The following SWT1 variants were observed in gnomAD, a reference collection of about 807,000 sequenced individuals.
The protein encoded by SWT1 is SWT1 RNA endoribonuclease homolog, also known as transcriptional protein SWT1.
A neutral mutation model predicts 107.3 loss-of-function variants in SWT1; 33 were observed. The observed-to-expected ratio is 0.31, with a 90% CI of 0.23 to 0.41. The LOEUF (loss-of-function observed/expected upper bound fraction) is 0.41, where lower values mean the gene tolerates loss of function less well. Ranked by LOEUF, SWT1 falls within the 10% of genes least tolerant of loss-of-function variation. The pLI, the probability that SWT1 is intolerant of heterozygous loss-of-function variation, is 1.00. For missense variants in SWT1, 898 were observed against 1,028.9 expected, an observed-to-expected ratio of 0.87 and a Z score of 1.74; for synonymous variants, 345 against 348.3, an observed-to-expected ratio of 0.99 and a Z score of 0.11.
At chr1:185,196,674 G>A (rs1657418321) in intron 10 of SWT1, among the ~76,000 whole-genome samples, 1 of 152,122 alleles carries the variant, frequency 6.6e-6, no homozygotes, top group Non-Finnish European at 1.5e-5. Flanking sequence ...GCAGTGGTTT[G>A]TAGTTCTTCT....
In SWT1 at chr1:185,290,806, A is replaced by G; in HGVS notation, c.*3A>G. The G allele has an allele frequency of 6.3e-7, 1 of 1,599,218 alleles. No individual in the cohort carries two copies. Among genetic ancestry groups the G allele is most frequent in the Non-Finnish European group, 8.5e-7 (1 of 1,172,598 alleles). ...ACATGCTCAACTATAGGATATAAGT[A>G]CTGATTTGTAACTTTAAAGGAATTG... On this transcript the variant is annotated 3_prime_UTR_variant, in exon 19 of 19. Coordinates refer to ENST00000367500, the MANE Select transcript of SWT1 (RefSeq NM_017673.7).
chr1:185,274,317 A>G (rs573511098), intron 17 of SWT1, among the ~76,000 whole-genome samples: 3 of 148,148 alleles, frequency 2.0e-5, no homozygotes, highest in African/African-American at 7.4e-5. Flanking sequence ...TTTTATATAT[A>G]TATTATATAT....
chr1:185,176,412 C>T (rs761523143), intron 5 of SWT1: 7 of 212,548 alleles, frequency 3.3e-5, no homozygotes, highest in Admixed American at 6.6e-5. Flanking sequence ...TGGGAGAAGC[C>T]GGGATATTTT....
intron 17 of SWT1, 123 bp from the exon 18 acceptor site, chr1:185,276,481 T>G: frequency 1.9e-6 from 1 of 517,814 alleles, no homozygotes; most frequent in Non-Finnish European, 3.5e-6. Context: ...TGTTGCTGTT[T>G]AATCCTTTTT....
At chr1:185,189,470 A>C (rs981293594) in intron 9 of SWT1, among the ~76,000 whole-genome samples, 4 of 152,192 alleles carry the variant, frequency 2.6e-5, no homozygotes, top group Non-Finnish European at 5.9e-5. Flanking sequence ...GGAAGAGCAC[A>C]CACAGGAAAC....
chr1:185,198,215 C>T (rs935057544), intron 10 of SWT1, among the ~76,000 whole-genome samples: 24 of 152,270 alleles, frequency 1.6e-4, no homozygotes, highest in African/African-American at 4.3e-4. Context: ...CATTCAGGAG[C>T]AGGTTGTTCA....
chr1:185,199,390 T>C (rs910824483), intron 10 of SWT1, among the ~76,000 whole-genome samples: 5 of 152,210 alleles, frequency 3.3e-5, no homozygotes, highest in Non-Finnish European at 5.9e-5. Flanking sequence ...CTGGTACTGG[T>C]TGTTCCTTTC....
At position 185,257,086 on chromosome 1, in the gene SWT1, G is replaced by T. The variant is rs1662603683; in HGVS notation, c.2442-14237G>T. Among the ~76,000 whole-genome samples, 3 of 152,106 alleles carry T rather than the reference G, an allele frequency of 2.0e-5. No homozygotes were observed. The South Asian group carries it at 6.2e-4, about 32-fold the overall frequency. On this transcript the variant is annotated intron_variant, in intron 16 of 18. Transcript: ENST00000367500. ...CTGCTGGGGGGTGCCTCCCAGTTAG[G>T]CTGCTCGGGGGTCAGGTGTCAGGGA...
chr1:185,260,330 T>C (rs551161436), intron 16 of SWT1, among the ~76,000 whole-genome samples: 1 of 152,134 alleles, frequency 6.6e-6, no homozygotes, highest in Non-Finnish European at 1.5e-5. Flanking sequence ...TGCTTTTCTT[T>C]TACTGGTCAA....
chr1:185,221,511 G>A lies in SWT1; in HGVS notation c.2122-338G>A, dbSNP rs75212252. Among the ~76,000 whole-genome samples the A allele has an allele frequency of 5.8e-3, 889 of 152,042 alleles. 33 individuals are homozygous for A. The East Asian group carries it at 0.094, about 16-fold the overall frequency. On this transcript the variant is annotated intron_variant, in intron 14 of 18. Coordinates refer to ENST00000367500, the MANE Select transcript of SWT1 (RefSeq NM_017673.7). The stretch of plus-strand genomic sequence containing the variant: ...AAACTGGATTGTAAGGTGCTTCAAG[G>A]CTTGATTGTACCTCTATACTTTGTA...
chr1:185,246,542 GTTA>G (rs1335161274), intron 16 of SWT1, among the ~76,000 whole-genome samples: 4 of 148,708 alleles, frequency 2.7e-5, no homozygotes, highest in African/African-American at 1.0e-4. Flanking sequence ...CTTTCAAAGT[GTTA>G]GGATTAGAGG....
chr1:185,182,189 G>A (rs187846926), intron 7 of SWT1, 132 bp downstream of exon 7: 5 of 903,788 alleles, frequency 5.5e-6, no homozygotes, highest in Non-Finnish European at 7.8e-6. Flanking sequence ...TAAAGTAATA[G>A]TTTATTTTTT....
chr1:185,281,543 T>C (rs1013363004), intron 18 of SWT1: 2 of 240,402 alleles, frequency 8.3e-6, no homozygotes, highest in Non-Finnish European at 8.4e-6. Flanking sequence ...CTGCCTGCTG[T>C]AGGATGTCTT....
At chr1:185,165,428 A>G (rs1201763613) in intron 2 of SWT1, among the ~76,000 whole-genome samples, 3 of 152,204 alleles carry the variant, frequency 2.0e-5, no homozygotes, top group Admixed American at 6.5e-5. Context: ...GCAAGCCACA[A>G]TAAAATGATG....
chr1:185,191,904 A>G (rs774982177), intron 10 of SWT1, among the ~76,000 whole-genome samples: 5 of 152,076 alleles, frequency 3.3e-5, no homozygotes, highest in Non-Finnish European at 7.4e-5. Flanking sequence ...GCCAAACCTT[A>G]CTTTTAATTC....
intron 15 of SWT1, among the ~76,000 whole-genome samples, chr1:185,229,531 G>A (rs920218991): frequency 6.6e-6 from 1 of 151,450 alleles, no homozygotes; most frequent in Non-Finnish European, 1.5e-5. Context: ...TTGGAATGAT[G>A]GTATCTAGTA....
chr1:185,169,846 A>T (rs1654899978), intron 4 of SWT1, among the ~76,000 whole-genome samples: 1 of 152,112 alleles, frequency 6.6e-6, no homozygotes. Flanking sequence ...ACACACAAGT[A>T]AAATTTGTAA....
At chr1:185,222,089 A>G in intron 15 of SWT1, 53 bp downstream of exon 15, 1 of 1,205,752 alleles carries the variant, frequency 8.3e-7, no homozygotes, top group Non-Finnish European at 1.1e-6. Context: ...TGACATTATA[A>G]TTGTACATAT....
In SWT1 at chr1:185,175,104, C is replaced by T. The variant is rs1571416582; in HGVS notation, c.957C>T (p.Asn319=). 1.9e-6 allele frequency: 3 copies of T among 1,542,266 alleles called. No homozygotes were observed. Among genetic ancestry groups the T allele is most frequent in the Non-Finnish European group, 1.7e-6 (2 of 1,147,784 alleles). Residue 319 remains asparagine, a synonymous_variant, in exon 5 of 19, where the codon AAC becomes AAT. Coordinates refer to ENST00000367500, the MANE Select transcript of SWT1 (RefSeq NM_017673.7). ...GTAATGATTCACATTCTAGGGAAAACCTAACCCAGGTAAGGTAGTAAAAAA... is the reference window on the plus strand; with the variant it reads ...GTAATGATTCACATTCTAGGGAAAATCTAACCCAGGTAAGGTAGTAAAAAA... The part of the protein sequence containing the change: ...QESNDSHSRE[N]LTQSFEAPCC...
Sources: allele counts gnomAD v4.1 joint callset (sites outside exome capture counted in the v4.1 genomes callset), GRCh38; gene constraint gnomAD v4.1.1; transcripts MANE v1.5; gene names NCBI Gene and HGNC (gene_info 2026-07-23, HGNC 2026-07-21).